ATP8A1: variants seen among roughly 807,000 people sequenced by gnomAD.
ATP8A1 encodes the protein ATPase phospholipid transporting 8A1, also known as phospholipid-transporting ATPase IA.
A neutral mutation model predicts 177.7 loss-of-function variants in ATP8A1; 90 were observed. That is an observed-to-expected ratio of 0.51 (90% CI 0.43 to 0.60). The LOEUF (loss-of-function observed/expected upper bound fraction) is 0.60, where lower values mean the gene tolerates loss of function less well. ATP8A1 is among the 20% of genes least tolerant of loss of function. The pLI is 0.00. For synonymous variants in ATP8A1, 493 were observed against 485.9 expected, an observed-to-expected ratio of 1.01 and a Z score of -0.19; for missense variants, 1,072 against 1,392.8, an observed-to-expected ratio of 0.77 and a Z score of 3.67.
intron 29 of ATP8A1, among the ~76,000 whole-genome samples, chr4:42,454,968 C>T (rs1289656521): frequency 2.0e-5 from 3 of 152,136 alleles, no homozygotes; most frequent in Non-Finnish European, 2.9e-5. Flanking sequence ...GTGAGCATGT[C>T]ACCACAACAC....
chr4:42,628,512 G>A (rs1256523269), intron 1 of ATP8A1, among the ~76,000 whole-genome samples: 2 of 152,082 alleles, frequency 1.3e-5, no homozygotes, highest in East Asian at 3.9e-4. Context: ...TTTCCAAGTA[G>A]GAGGGGCACA....
chr4:42,476,846 T>G (rs1477475223), intron 25 of ATP8A1, among the ~76,000 whole-genome samples: 1 of 152,120 alleles, frequency 6.6e-6, no homozygotes, highest in African/African-American at 2.4e-5. Context: ...CACAAAGAGT[T>G]CTCATATACA....
chr4:42,443,619 T>C lies in ATP8A1; in HGVS notation c.3069A>G (p.Gly1023=), dbSNP rs1174785868. Residue 1023 remains glycine, a synonymous_variant, in exon 33 of 37, where the codon GGA becomes GGG. Transcript: ENST00000381668. Reference sequence around the variant, plus strand: ...TGGCAGGCCACAGAGATGAGTAGATTCCAAAAAACACCACCCAGAGTGCGA... The same window carrying C: ...TGGCAGGCCACAGAGATGAGTAGATCCCAAAAAACACCACCCAGAGTGCGA... ...GSIALWVVFF[G]IYSSLWPAIP... is the part of the protein sequence containing the mutation. The C allele has an allele frequency of 1.9e-6, 3 of 1,570,424 alleles. No individual in the cohort carries two copies. Among genetic ancestry groups the C allele is most frequent in the Admixed American group, 1.7e-5 (1 of 59,962 alleles).
chr4:42,468,840 A>G (rs1303781363), intron 25 of ATP8A1, among the ~76,000 whole-genome samples: 2 of 152,228 alleles, frequency 1.3e-5, no homozygotes, highest in Non-Finnish European at 2.9e-5. Flanking sequence ...GACATAATGG[A>G]AGCCTTTTCT....
intron 33 of ATP8A1, among the ~76,000 whole-genome samples, chr4:42,431,579 T>TTATCTTTAA (rs1715308797): frequency 6.6e-6 from 1 of 152,222 alleles, no homozygotes; most frequent in African/African-American, 2.4e-5. Flanking sequence ...TTTAAAGATT[T>TTATCTTTAA]AGGCCCTTTC....
Position 42,549,720 on chromosome 4 carries a change from G to A in ATP8A1, c.1603-658C>T, listed in dbSNP as rs749287082. ...AGGCTGAGGCAGGAGGGTCACTTGA[G>A]CCCAGGGGTTCAAGGCTATGGTTAG... On this transcript the variant is annotated intron_variant, in intron 18 of 36. Coordinates refer to ENST00000381668, the MANE Select transcript of ATP8A1 (RefSeq NM_006095.2). 3.3e-5 allele frequency among the ~76,000 whole-genome samples: 5 copies of A among 152,158 alleles called. No individual in the cohort carries two copies. In the East Asian group the frequency reaches 9.6e-4, roughly 29 times the overall value.
chr4:42,477,433 G>A (rs981656233), intron 25 of ATP8A1, among the ~76,000 whole-genome samples: 1 of 152,132 alleles, frequency 6.6e-6, no homozygotes, highest in African/African-American at 2.4e-5. Context: ...TGGCAATTCT[G>A]ATGGGAAAGA....
intron 4 of ATP8A1, among the ~76,000 whole-genome samples, chr4:42,619,410 T>C (rs1737234302): frequency 6.6e-6 from 1 of 152,166 alleles, no homozygotes; most frequent in East Asian, 1.9e-4. Context: ...TTTAGCATAA[T>C]ACAGCTTTTT....
chr4:42,568,801 G>A (rs1252951419), intron 15 of ATP8A1, among the ~76,000 whole-genome samples: 1 of 152,134 alleles, frequency 6.6e-6, no homozygotes, highest in Non-Finnish European at 1.5e-5. Flanking sequence ...AAGTACATAA[G>A]TAGCGGCAGA....
chr4:42,423,312 A>C (rs1714206413), intron 34 of ATP8A1, among the ~76,000 whole-genome samples: 2 of 152,152 alleles, frequency 1.3e-5, no homozygotes, highest in South Asian at 4.1e-4. Context: ...TTTTGGAAAT[A>C]GTACAATTTT....
intron 27 of ATP8A1, among the ~76,000 whole-genome samples, chr4:42,464,453 C>T (rs1305537449): frequency 2.0e-5 from 3 of 151,956 alleles, no homozygotes; most frequent in East Asian, 1.9e-4. Flanking sequence ...TTAGTAGAGA[C>T]GAGGTTTCAC....
chr4:42,572,891 G>C (rs1451039770), intron 14 of ATP8A1, among the ~76,000 whole-genome samples: 2 of 152,172 alleles, frequency 1.3e-5, no homozygotes, highest in Non-Finnish European at 2.9e-5. Flanking sequence ...GCTTCTGACT[G>C]TATCTCAGGA....
chr4:42,533,892 C>T (rs1246006443), intron 20 of ATP8A1, among the ~76,000 whole-genome samples: 3 of 152,134 alleles, frequency 2.0e-5, no homozygotes, highest in Non-Finnish European at 4.4e-5. Context: ...TCTGGTATCT[C>T]TGTGGGGTGG....
chr4:42,558,892 A>T (rs1730524956), intron 15 of ATP8A1, among the ~76,000 whole-genome samples: 1 of 152,236 alleles, frequency 6.6e-6, no homozygotes, highest in African/African-American at 2.4e-5. Context: ...CTATGGCAAC[A>T]GGCCGGGTGC....
chr4:42,464,972 T>C lies in ATP8A1; in HGVS notation c.2429A>G (p.Gln810Arg). The C allele has an allele frequency of 6.2e-7, 1 of 1,614,210 alleles. No individual in the cohort carries two copies. The highest frequency in any genetic ancestry group is 8.5e-7 in the Non-Finnish European group (1 of 1,180,020). Residue 810 changes from glutamine to arginine, a missense_variant, in exon 26 of 37, where the codon CAG becomes CGG. By Grantham distance (43) the Gln-to-Arg change is conservative. Coordinates refer to ENST00000381668, the MANE Select transcript of ATP8A1 (RefSeq NM_006095.2). ...GATACCAACACCAACGTGCGCTGTC[T>C]GTATCATGCTGACATCATTTGCTCC... ...GDGANDVSMIQTAHVGVGISG... is the reference protein window; with the variant it reads ...GDGANDVSMIRTAHVGVGISG...
At chr4:42,454,607 A>G (rs752604327) in intron 29 of ATP8A1, among the ~76,000 whole-genome samples, 6 of 152,194 alleles carry the variant, frequency 3.9e-5, no homozygotes, top group Non-Finnish European at 5.9e-5. Context: ...ACAAATACCA[A>G]TGGAAACACT....
At position 42,478,858 on chromosome 4, in the gene ATP8A1, A is replaced by G. The variant is rs76099416; in HGVS notation, c.2324+6638T>C. Among the ~76,000 whole-genome samples the G allele has an allele frequency of 8.3e-3, 1,266 of 152,328 alleles. 12 individuals carry two copies. The highest frequency in any genetic ancestry group is 0.028 in the African/African-American group (1,179 of 41,574). ...GATTTTCTTGGTTCTGATGGCATGG[A>G]TAAGTTTAATGGAGCCACCAGATTG... On this transcript the variant is annotated intron_variant, in intron 25 of 36. Transcript: ENST00000381668.
At chr4:42,565,046 G>C (rs1288041794) in intron 15 of ATP8A1, among the ~76,000 whole-genome samples, 1 of 152,184 alleles carries the variant, frequency 6.6e-6, no homozygotes, top group African/African-American at 2.4e-5. Context: ...ATCCACGTAA[G>C]ACATGACTTG....
At chr4:42,443,115 G>C (rs978128126) in intron 33 of ATP8A1, among the ~76,000 whole-genome samples, 3 of 152,118 alleles carry the variant, frequency 2.0e-5, no homozygotes, top group Non-Finnish European at 4.4e-5. Flanking sequence ...ATGTCATTAG[G>C]ACAACTCAAA....
Sources: gnomAD v4.1 joint callset for allele counts (sites outside exome capture counted in the v4.1 genomes callset) on GRCh38, gnomAD v4.1.1 for gene constraint, MANE v1.5 for transcripts, NCBI Gene and HGNC (gene_info 2026-07-23, HGNC 2026-07-21) for gene names.